Variants in POU6F2 observed in about 807,000 individuals in gnomAD.
The protein encoded by POU6F2 is POU class 6 homeobox 2, also known as POU domain, class 6, transcription factor 2.
A neutral mutation model predicts 71.3 loss-of-function variants in POU6F2; 31 were observed. That is an observed-to-expected ratio of 0.43 (90% CI 0.33 to 0.59). The LOEUF is 0.59. Ranked by LOEUF, POU6F2 falls within the 20% of genes least tolerant of loss-of-function variation. The pLI, the probability that POU6F2 is intolerant of heterozygous loss-of-function variation, is 0.04. For synonymous variants in POU6F2, 347 were observed against 355.7 expected (o/e 0.98, Z 0.27); for missense variants, 783 against 856.8 (o/e 0.91, Z 1.07).
intron 5 of POU6F2, among the ~76,000 whole-genome samples, chr7:39,388,568 G>A (rs1221026429): frequency 2.6e-5 from 4 of 152,056 alleles, no homozygotes; most frequent in Non-Finnish European, 4.4e-5. Flanking sequence ...CACCCACCTC[G>A]GCCTCCCAAA....
At chr7:39,137,055 C>T (rs949345633) in intron 2 of POU6F2, among the ~76,000 whole-genome samples, 1 of 145,072 alleles carries the variant, frequency 6.9e-6, no homozygotes, top group African/African-American at 2.5e-5. Flanking sequence ...TTCCTTACAA[C>T]ATTGTTAACA....
intron 7 of POU6F2, among the ~76,000 whole-genome samples, chr7:39,442,493 C>T (rs932822904): frequency 2.6e-5 from 4 of 152,142 alleles, no homozygotes; most frequent in Admixed American, 2.6e-4. Context: ...GGGGAGCCAC[C>T]TCTTCTTCCT....
chr7:39,352,232 G>C (rs1283451594), intron 5 of POU6F2, among the ~76,000 whole-genome samples: 1 of 152,202 alleles, frequency 6.6e-6, no homozygotes. Flanking sequence ...AATTAGAGCT[G>C]AGATAGCTAA....
At chr7:39,329,859 G>A (rs1647241821) in intron 4 of POU6F2, among the ~76,000 whole-genome samples, 1 of 152,146 alleles carries the variant, frequency 6.6e-6, no homozygotes, top group African/African-American at 2.4e-5. Flanking sequence ...TACTTTATAA[G>A]GTTGTTGAGA....
intron 5 of POU6F2, among the ~76,000 whole-genome samples, chr7:39,344,926 T>G (rs940405513): frequency 6.6e-6 from 1 of 152,158 alleles, no homozygotes; most frequent in Admixed American, 6.6e-5. Context: ...CTACGCAGAA[T>G]TCTCCTAGCC....
intron 4 of POU6F2, among the ~76,000 whole-genome samples, chr7:39,318,056 C>G (rs181510675): frequency 6.6e-6 from 1 of 152,280 alleles, no homozygotes; most frequent in Admixed American, 6.5e-5. Context: ...TTTTTTCTCT[C>G]TCTTCCCACA....
At chr7:39,185,855 G>A (rs28436818) in intron 2 of POU6F2, among the ~76,000 whole-genome samples, 2,614 of 54,056 alleles carry the variant, frequency 0.048, 42 homozygotes, top group East Asian at 0.15. Context: ...GTATATGTAT[G>A]TGTATATATG....
At chr7:39,282,415 C>T (rs1350726279) in intron 4 of POU6F2, among the ~76,000 whole-genome samples, 4 of 151,658 alleles carry the variant, frequency 2.6e-5, no homozygotes, top group South Asian at 2.1e-4. Context: ...TATCATTTGG[C>T]GTTTTACATT....
intron 5 of POU6F2, among the ~76,000 whole-genome samples, chr7:39,389,918 C>T (rs1283808398): frequency 1.3e-5 from 2 of 152,232 alleles, no homozygotes; most frequent in African/African-American, 4.8e-5. Context: ...AAATCCCCAC[C>T]TACTGCTGAG....
At chr7:39,006,865 C>A (rs770266358) in intron 1 of POU6F2, 3 of 1,613,414 alleles carry the variant, frequency 1.9e-6, no homozygotes, top group Non-Finnish European at 2.5e-6. Flanking sequence ...TGCTCTTCTT[C>A]AGGTATTTTG....
chr7:39,009,669 C>T (rs183301816), intron 1 of POU6F2, among the ~76,000 whole-genome samples: 2,101 of 152,146 alleles, frequency 0.014, 49 homozygotes, highest in African/African-American at 0.047. Context: ...TTATCATAGA[C>T]AGCTCTTATT....
rs1024586822 is a variant in POU6F2, at chr7:39,256,789, C to G, written c.598+49169C>G. ...CCTTTGAAGTTGGACGAATAGAGCC[C>G]CTTCCAAAGAACATGGGCAGTCTAG... On this transcript the variant is annotated intron_variant, in intron 4 of 9. Transcript: ENST00000518318. 7.2e-5 allele frequency among the ~76,000 whole-genome samples: 11 copies of G among 152,196 alleles called. No homozygotes were observed. The South Asian group carries it at 1.9e-3, about 26-fold the overall frequency.
intron 4 of POU6F2, among the ~76,000 whole-genome samples, chr7:39,275,137 T>C (rs948504537): frequency 6.6e-5 from 10 of 152,114 alleles, no homozygotes; most frequent in African/African-American, 2.4e-4. Flanking sequence ...GACATGATCG[T>C]ATATCTAGAA....
At chr7:39,104,958 G>C (rs1791645503) in intron 2 of POU6F2, among the ~76,000 whole-genome samples, 1 of 152,178 alleles carries the variant, frequency 6.6e-6, no homozygotes, top group African/African-American at 2.4e-5. Flanking sequence ...ATATGTGCAT[G>C]TTTAGTTCTC....
At chr7:39,365,407 TAAATC>T (rs1202062795) in intron 5 of POU6F2, among the ~76,000 whole-genome samples, 3 of 152,206 alleles carry the variant, frequency 2.0e-5, no homozygotes, top group Non-Finnish European at 4.4e-5. Flanking sequence ...ATTAAGGACT[TAAATC>T]TAAGACCTAA....
intron 2 of POU6F2, among the ~76,000 whole-genome samples, chr7:39,121,305 A>G (rs901985027): frequency 1.3e-5 from 2 of 152,228 alleles, no homozygotes; most frequent in Non-Finnish European, 2.9e-5. Context: ...TCTTGCCAAG[A>G]TGAAATGCAA....
At chr7:39,380,498 C>G (rs1038584808) in intron 5 of POU6F2, among the ~76,000 whole-genome samples, 5 of 152,142 alleles carry the variant, frequency 3.3e-5, no homozygotes, top group African/African-American at 1.2e-4. Context: ...GAAGGATGCT[C>G]TGAAAACTCC....
chr7:39,155,024 T>C (rs1242094784), intron 2 of POU6F2, among the ~76,000 whole-genome samples: 1 of 152,052 alleles, frequency 6.6e-6, no homozygotes, highest in Non-Finnish European at 1.5e-5. Context: ...GGTACACAGG[T>C]TCTCCCCTCT....
chr7:39,251,018 A>G (rs1783905912), intron 4 of POU6F2, among the ~76,000 whole-genome samples: 1 of 152,210 alleles, frequency 6.6e-6, no homozygotes, highest in Non-Finnish European at 1.5e-5. Flanking sequence ...TAGGCTCAAA[A>G]TTAAACACTT....
Sources: gnomAD v4.1 joint callset for allele counts (sites outside exome capture counted in the v4.1 genomes callset) on GRCh38, gnomAD v4.1.1 for gene constraint, MANE v1.5 for transcripts, NCBI Gene and HGNC (gene_info 2026-07-23, HGNC 2026-07-21) for gene names.